The following TBC1D9 variants were observed in gnomAD, a reference collection of about 807,000 sequenced individuals.
TBC1D9 encodes TBC1 domain family member 9, also known as TBC1 domain family member 9A.
Under a neutral mutation model 132.0 loss-of-function variants are expected in TBC1D9, and 63 were observed. The ratio of observed to expected loss-of-function variants is 0.48; its 90% confidence interval spans 0.39 to 0.59. The LOEUF is 0.59. TBC1D9 is among the 20% of genes least tolerant of loss of function. The pLI is 0.00. For missense variants in TBC1D9, 1,261 were observed against 1,592.7 expected, an observed-to-expected ratio of 0.79 and a Z score of 3.54; for synonymous variants, 610 against 609.9, an observed-to-expected ratio of 1.00 and a Z score of 0.00.
intron 20 of TBC1D9, 90 bp downstream of exon 20, chr4:140,624,026 G>A: frequency 9.9e-7 from 1 of 1,010,552 alleles, no homozygotes; most frequent in East Asian, 2.6e-5. Context: ...TTTTTGATGG[G>A]TATTGAGTCT....
chr4:140,734,663 G>C, intron 1 of TBC1D9, among the ~76,000 whole-genome samples: 1 of 152,098 alleles, frequency 6.6e-6, no homozygotes. Flanking sequence ...GGATATGGTG[G>C]GGTGTACTGT....
At chr4:140,736,985 A>T (rs1738682427) in intron 1 of TBC1D9, among the ~76,000 whole-genome samples, 1 of 152,050 alleles carries the variant, frequency 6.6e-6, no homozygotes, top group African/African-American at 2.4e-5. Flanking sequence ...GTGGAAGGCA[A>T]TTTTTCCATG....
chr4:140,753,227 A>G (rs1738952596), intron 1 of TBC1D9, among the ~76,000 whole-genome samples: 1 of 150,450 alleles, frequency 6.6e-6, no homozygotes, highest in Admixed American at 6.6e-5. Context: ...CCAAGAAACT[A>G]CATTACCAGG....
chr4:140,754,198 T>G (rs1452163380), intron 1 of TBC1D9, among the ~76,000 whole-genome samples: 1 of 152,182 alleles, frequency 6.6e-6, no homozygotes, highest in Non-Finnish European at 1.5e-5. Context: ...CACATCCTAT[T>G]ACAAATGACA....
chr4:140,701,777 A>G (rs1226020000), intron 1 of TBC1D9, among the ~76,000 whole-genome samples, 163 bp from the exon 2 acceptor site: 1 of 152,174 alleles, frequency 6.6e-6, no homozygotes, highest in Non-Finnish European at 1.5e-5. Context: ...CTGGCTCTAC[A>G]CAAGTTGCAC....
At position 140,669,000 on chromosome 4, in the gene TBC1D9, A is replaced by G. The variant is rs374467842; in HGVS notation, c.1505T>C (p.Met502Thr). 1.3e-5 allele frequency: 21 copies of G among 1,613,844 alleles called. No homozygotes were observed. Among genetic ancestry groups the G allele is most frequent in the Non-Finnish European group, 1.7e-5 (20 of 1,179,874 alleles). Residue 502 changes from methionine (M) to threonine (T), a missense_variant, in exon 9 of 21, where the codon ATG (methionine) becomes ACG (threonine). Transcript: ENST00000442267. ...HFAEYGQGIC[M>T]YRTEKTRELV... ...CTCCCGCGTTTTCTCTGTGCGGTACATGCAGATCCCTTGCCCATACTCAGC... is the reference window on the plus strand; with the variant it reads ...CTCCCGCGTTTTCTCTGTGCGGTACGTGCAGATCCCTTGCCCATACTCAGC...
chr4:140,744,362 A>C (rs1418320738), intron 1 of TBC1D9, among the ~76,000 whole-genome samples: 2 of 152,080 alleles, frequency 1.3e-5, no homozygotes, highest in Admixed American at 6.5e-5. Flanking sequence ...AAACCAAAAA[A>C]CTAGTTCAGG....
At chr4:140,642,598 C>A in intron 13 of TBC1D9, 1 of 886,522 alleles carries the variant, frequency 1.1e-6, no homozygotes, top group Non-Finnish European at 1.8e-6. Flanking sequence ...TGTCCATCTT[C>A]TTCTTCTTAA....
intron 2 of TBC1D9, among the ~76,000 whole-genome samples, chr4:140,687,393 T>A (rs1405499106): frequency 5.2e-5 from 5 of 96,896 alleles, no homozygotes; most frequent in South Asian, 3.3e-4. Flanking sequence ...TATATATATA[T>A]ATAAACATAT....
chr4:140,651,454 C>T (rs1737186100), intron 13 of TBC1D9, among the ~76,000 whole-genome samples: 1 of 152,182 alleles, frequency 6.6e-6, no homozygotes, highest in African/African-American at 2.4e-5. Context: ...TAGGGCAAGA[C>T]CTTGTCTCAA....
At chr4:140,636,387 G>T (rs954169068) in intron 15 of TBC1D9, among the ~76,000 whole-genome samples, 1 of 151,648 alleles carries the variant, frequency 6.6e-6, no homozygotes, top group Admixed American at 6.6e-5. Flanking sequence ...CCCAGAAATC[G>T]ACTTCCTTAA....
chr4:140,692,657 G>C (rs1331641473), intron 2 of TBC1D9, among the ~76,000 whole-genome samples: 1 of 152,178 alleles, frequency 6.6e-6, no homozygotes, highest in Non-Finnish European at 1.5e-5. Flanking sequence ...ATCAGGTTAA[G>C]TAAGATGATA....
intron 1 of TBC1D9, among the ~76,000 whole-genome samples, chr4:140,721,148 G>A (rs1738417627): frequency 6.6e-6 from 1 of 152,106 alleles, no homozygotes; most frequent in Non-Finnish European, 1.5e-5. Context: ...GGGGAACATG[G>A]TCTCCATTTG....
intron 1 of TBC1D9, among the ~76,000 whole-genome samples, chr4:140,754,793 C>CT (rs1738981827): frequency 6.6e-6 from 1 of 152,016 alleles, no homozygotes; most frequent in Non-Finnish European, 1.5e-5. Context: ...GCAGATTTAT[C>CT]TTTTCTGGTA....
intron 1 of TBC1D9, among the ~76,000 whole-genome samples, chr4:140,718,247 GAAA>G (rs11420074): frequency 2.4e-5 from 3 of 123,160 alleles, no homozygotes; most frequent in East Asian, 2.2e-4. Flanking sequence ...CCTTTTTTCA[GAAA>G]AAAAAAAAAA....
rs189063009 is a variant in TBC1D9 at position 140,638,535 on chromosome 4, A to G, written c.2505+551T>C. On this transcript the variant is annotated intron_variant, in intron 15 of 20. Transcript: ENST00000442267. Reference sequence around the variant, plus strand: ...AAAAAAAAAAAGAAAAAAGAAAAATATAAAAGTTAGCCGGGTGTGGTGGTG... The same window carrying G: ...AAAAAAAAAAAGAAAAAAGAAAAATGTAAAAGTTAGCCGGGTGTGGTGGTG... Among the ~76,000 whole-genome samples, 33 of 151,910 alleles carry G rather than the reference A, an allele frequency of 2.2e-4. No individual in the cohort carries two copies. In the East Asian group the frequency reaches 6.2e-3, roughly 29 times the overall value.
intron 2 of TBC1D9, among the ~76,000 whole-genome samples, 173 bp downstream of exon 2, chr4:140,701,324 AAACTTTC>A (rs1366557439): frequency 2.0e-5 from 3 of 152,250 alleles, no homozygotes; most frequent in African/African-American, 7.2e-5. Context: ...AGTGAGAAAG[AAACTTTC>A]ATTGTGTTAA....
intron 2 of TBC1D9, among the ~76,000 whole-genome samples, chr4:140,694,646 A>G (rs1350069702): frequency 6.7e-6 from 1 of 150,016 alleles, no homozygotes; most frequent in Non-Finnish European, 1.5e-5. Context: ...TATTTTCAAT[A>G]TATTATTTTC....
In TBC1D9 at chr4:140,669,731, C is replaced by A. The variant is rs866514499; in HGVS notation, c.1340G>T (p.Arg447Leu). The A allele has an allele frequency of 2.1e-5, 34 of 1,613,810 alleles. No individual in the cohort carries two copies. The highest frequency in any genetic ancestry group is 2.7e-5 in the Non-Finnish European group (32 of 1,179,874). ...RSTSSDADGERQFNLNGNSVP... is the reference protein window; with the variant it reads ...RSTSSDADGELQFNLNGNSVP... ...GCTGTTGCCATTTAGGTTAAACTGG[C>A]GCTCTCCATCAGCATCAGAGCTCGT... The change falls in exon 8 of 21, where the codon CGC becomes CTC. Residue 447 changes from arginine (R) to leucine (L), a missense_variant. By Grantham distance (102) the Arg-to-Leu change is moderately radical (BLOSUM62 -2). Around this residue, in one of 3 missense-constraint regions of TBC1D9, gnomAD observed 550 missense variants for 699.0 expected, o/e 0.79. Transcript: ENST00000442267.
Sources: allele counts gnomAD v4.1 joint callset (sites outside exome capture counted in the v4.1 genomes callset), GRCh38; gene constraint gnomAD v4.1.1; regional missense constraint gnomAD v4.1.1; transcripts MANE v1.5; gene names NCBI Gene and HGNC (gene_info 2026-07-23, HGNC 2026-07-21).